Variants in NWD2 observed in about 807,000 individuals in gnomAD.
The protein encoded by NWD2 is NACHT and WD repeat domain-containing protein 2.
A neutral mutation model predicts 132.7 loss-of-function variants in NWD2; 37 were observed. That is an observed-to-expected ratio of 0.28 (90% CI 0.21 to 0.37). The LOEUF is 0.37. NWD2 is among the 10% of genes least tolerant of loss of function. The pLI, the probability that NWD2 is intolerant of heterozygous loss-of-function variation, is 1.00. For synonymous variants in NWD2, 705 were observed against 803.0 expected (o/e 0.88, Z 2.06); for missense variants, 1,592 against 2,122.4 (o/e 0.75, Z 4.91).
intron 5 of NWD2, among the ~76,000 whole-genome samples, chr4:37,435,628 C>T (rs1222088116): frequency 6.6e-6 from 1 of 151,960 alleles, no homozygotes; most frequent in African/African-American, 2.4e-5. Flanking sequence ...TAAAAAACAC[C>T]AGTCTGGGGA....
At chr4:37,367,773 GC>G (rs1263038111) in intron 3 of NWD2, among the ~76,000 whole-genome samples, 1 of 152,132 alleles carries the variant, frequency 6.6e-6, no homozygotes, top group East Asian at 1.9e-4. Context: ...AACCCATGGG[GC>G]TGTTATTTCT....
chr4:37,425,332 G>T (rs971323248), intron 3 of NWD2, among the ~76,000 whole-genome samples: 3 of 152,124 alleles, frequency 2.0e-5, no homozygotes, highest in African/African-American at 7.2e-5. Context: ...ATTTTTCTTA[G>T]ATTTTTCAGC....
intron 3 of NWD2, among the ~76,000 whole-genome samples, chr4:37,362,300 G>A (rs1719996598): frequency 6.6e-6 from 1 of 152,096 alleles, no homozygotes; most frequent in Non-Finnish European, 1.5e-5. Context: ...ATTTTTCACA[G>A]AACTAGAAAA....
At chr4:37,352,012 T>C (rs1204748590) in intron 2 of NWD2, among the ~76,000 whole-genome samples, 5 of 152,168 alleles carry the variant, frequency 3.3e-5, no homozygotes, top group Non-Finnish European at 7.3e-5. Context: ...TAATCCTGAG[T>C]TCTAATTTGA....
chr4:37,419,347 C>T (rs1421121267), intron 3 of NWD2, among the ~76,000 whole-genome samples: 3 of 152,124 alleles, frequency 2.0e-5, no homozygotes, highest in African/African-American at 7.2e-5. Flanking sequence ...TGGGCAAAGA[C>T]CTCATGTCTA....
intron 2 of NWD2, among the ~76,000 whole-genome samples, chr4:37,337,388 G>A (rs1041271276): frequency 1.3e-5 from 2 of 151,886 alleles, no homozygotes; most frequent in Admixed American, 6.6e-5. Context: ...GCTGGTCCCA[G>A]CCCTTTTCCT....
At chr4:37,368,557 G>C (rs1398624793) in intron 3 of NWD2, among the ~76,000 whole-genome samples, 1 of 152,164 alleles carries the variant, frequency 6.6e-6, no homozygotes, top group Non-Finnish European at 1.5e-5. Flanking sequence ...TGATAAGTGA[G>C]ATAATATAAT....
chr4:37,295,875 TAC>T (rs1212439785), intron 1 of NWD2, among the ~76,000 whole-genome samples: 1 of 152,246 alleles, frequency 6.6e-6, no homozygotes, highest in Non-Finnish European at 1.5e-5. Flanking sequence ...TATTTGGATG[TAC>T]AGTCAATCCC....
intron 1 of NWD2, among the ~76,000 whole-genome samples, chr4:37,304,435 A>G (rs1212871595): frequency 6.6e-6 from 1 of 152,178 alleles, no homozygotes; most frequent in Non-Finnish European, 1.5e-5. Flanking sequence ...GCAGTCCCCC[A>G]AGTCTTTATT....
At chr4:37,265,210 GATATAGTTCTA>G (rs1717723900) in intron 1 of NWD2, among the ~76,000 whole-genome samples, 1 of 151,982 alleles carries the variant, frequency 6.6e-6, no homozygotes, top group Non-Finnish European at 1.5e-5. Context: ...GATATAAAAT[GATATAGTTCTA>G]ATATTTACTG....
intron 1 of NWD2, among the ~76,000 whole-genome samples, chr4:37,306,308 TAA>T (rs1024074108): frequency 2.0e-5 from 3 of 152,132 alleles, no homozygotes; most frequent in Admixed American, 6.5e-5. Context: ...TTTAGTACTT[TAA>T]GTCTTTGTTT....
intron 1 of NWD2, among the ~76,000 whole-genome samples, chr4:37,252,186 A>G (rs1389673096): frequency 1.3e-5 from 2 of 152,218 alleles, no homozygotes; most frequent in African/African-American, 4.8e-5. Flanking sequence ...AGAAAGAAAT[A>G]GTCTTTATCA....
intron 5 of NWD2, among the ~76,000 whole-genome samples, chr4:37,434,982 T>C (rs1248829034): frequency 6.6e-6 from 1 of 152,064 alleles, no homozygotes; most frequent in Admixed American, 6.6e-5. Context: ...AATTTAACAT[T>C]AAAATAAAAA....
chr4:37,419,032 G>T (rs1211224187), intron 3 of NWD2, among the ~76,000 whole-genome samples: 1 of 152,060 alleles, frequency 6.6e-6, no homozygotes, highest in African/African-American at 2.4e-5. Context: ...AAACAGCATG[G>T]TACTTGTACC....
chr4:37,317,052 T>C (rs1391938021), intron 1 of NWD2, among the ~76,000 whole-genome samples: 2 of 152,236 alleles, frequency 1.3e-5, no homozygotes, highest in African/African-American at 4.8e-5. Context: ...GGTCACCCAT[T>C]TGTCTGTGTA....
intron 2 of NWD2, 111 bp downstream of exon 2, chr4:37,326,135 T>C: frequency 3.2e-6 from 2 of 632,780 alleles, no homozygotes. Flanking sequence ...CTGAAAAAAT[T>C]TATTTCTTCA....
chr4:37,312,089 T>G (rs1718856562), intron 1 of NWD2, among the ~76,000 whole-genome samples: 1 of 151,792 alleles, frequency 6.6e-6, no homozygotes, highest in Non-Finnish European at 1.5e-5. Context: ...TTCTTTTGGC[T>G]TAGGATTGAC....
intron 3 of NWD2, among the ~76,000 whole-genome samples, chr4:37,369,395 T>A (rs1169517587): frequency 6.6e-6 from 1 of 152,198 alleles, no homozygotes; most frequent in East Asian, 1.9e-4. Context: ...AAATAATTCC[T>A]CATCCCTCAC....
chr4:37,310,904 A>G (rs1352274988), intron 1 of NWD2, among the ~76,000 whole-genome samples: 3 of 150,314 alleles, frequency 2.0e-5, no homozygotes, highest in South Asian at 2.1e-4. Flanking sequence ...TGTCCTTGCT[A>G]TAGTTTACTG....
Sources: gnomAD v4.1 joint callset for allele counts (sites outside exome capture counted in the v4.1 genomes callset) on GRCh38, gnomAD v4.1.1 for gene constraint, MANE v1.5 for transcripts, NCBI Gene and HGNC (gene_info 2026-07-23, HGNC 2026-07-21) for gene names.